The following DYNC1H1 variants were observed in gnomAD, a reference collection of about 807,000 sequenced individuals.
DYNC1H1 encodes dynein cytoplasmic 1 heavy chain 1.
A neutral mutation model predicts 527.1 loss-of-function variants in DYNC1H1; 51 were observed. The observed-to-expected ratio is 0.10, with a 90% CI of 0.08 to 0.12. DYNC1H1 has a LOEUF of 0.12. Ranked by LOEUF, DYNC1H1 falls within the 10% of genes least tolerant of loss-of-function variation. DYNC1H1 has a pLI of 1.00. For synonymous variants in DYNC1H1, 2,189 were observed against 2,278.8 expected, an observed-to-expected ratio of 0.96 and a Z score of 1.12; for missense variants, 2,771 against 5,971.8, an observed-to-expected ratio of 0.46 and a Z score of 17.66.
At chr14:102,026,813 C>T in intron 44 of DYNC1H1, 106 bp downstream of exon 44, 1 of 1,494,788 alleles carries the variant, frequency 6.7e-7, no homozygotes, top group Non-Finnish European at 9.1e-7. Flanking sequence ...ACCTCCACCT[C>T]AGCCTTCTCC....
chr14:102,026,805 C>A, intron 44 of DYNC1H1, 98 bp downstream of exon 44: 1 of 1,530,156 alleles, frequency 6.5e-7, no homozygotes, highest in Non-Finnish European at 8.9e-7. Context: ...GTCCTACCAC[C>A]TCCACCTCAG....
chr14:101,995,286 G>A lies in DYNC1H1; in HGVS notation c.3550G>A (p.Glu1184Lys). ...QSLKRKIKQF[E>K]KQVELYRNGQ... ...TTTGAAACGGAAGATCAAGCAGTTT[G>A]AGAAGCAAGTTGAGGTGAGCTCTGT... Residue 1184 changes from glutamate to lysine, a missense_variant, in exon 15 of 78, where the codon GAG becomes AAG. By Grantham distance (56) the Glu-to-Lys change is moderately conservative. Transcript: ENST00000360184. 1 of 1,614,200 alleles carries A rather than the reference G, an allele frequency of 6.2e-7. No homozygotes were observed. Among genetic ancestry groups the A allele is most frequent in the Non-Finnish European group, 8.5e-7 (1 of 1,180,038 alleles).
Position 102,049,936 on chromosome 14 carries a change from T to A in DYNC1H1, c.13684+54T>A. ...CTCTTTGCAGGTGACCTCGGTGGCC[T>A]GAGACCATTGTTCCCAGATACATGC... is the stretch of plus-strand genomic sequence containing the variant. On this transcript the variant is annotated intron_variant, in intron 76 of 77. Transcript: ENST00000360184. This position sits in a 1 kb window ranked among gnomAD's most constrained non-coding sequence, Gnocchi z 5.5. The A allele has an allele frequency of 6.4e-7, 1 of 1,553,076 alleles. No individual in the cohort carries two copies.
chr14:102,007,146 C>A, intron 28 of DYNC1H1, 38 bp downstream of exon 28: 2 of 1,598,930 alleles, frequency 1.3e-6, no homozygotes, highest in Non-Finnish European at 1.7e-6. Flanking sequence ...AATGTAATGC[C>A]CTGCAGGGAT....
chr14:102,047,637 G>GTA (rs1311727690), intron 72 of DYNC1H1, 180 bp from the exon 73 acceptor site: 2 of 394,240 alleles, frequency 5.1e-6, no homozygotes, highest in African/African-American at 4.5e-5. Context: ...GTGTGTGTGT[G>GTA]TGTGTATATA....
At position 101,983,173 on chromosome 14, in the gene DYNC1H1, T is replaced by C; in HGVS notation, c.1116T>C (p.Tyr372=). The C allele has an allele frequency of 6.2e-7, 1 of 1,614,128 alleles. No homozygotes were observed. The change falls in exon 6 of 78, where the codon TAT becomes TAC. Residue 372 remains tyrosine (Y), a synonymous_variant. Transcript: ENST00000360184. This position sits in a 1 kb window ranked among gnomAD's most constrained non-coding sequence, Gnocchi z 5.3. ...THLRKIRNTK[Y]PIQRALRLVE... is the part of the protein sequence containing the mutation. ...TGAGAAAGATCCGAAACACAAAATA[T>C]CCTATTCAGAGGGCACTGCGTTTGG... is the stretch of plus-strand genomic sequence containing the variant.
Position 102,016,372 on chromosome 14 carries a change from C to G in DYNC1H1, c.7497C>G (p.Leu2499=), listed in dbSNP as rs767105664. 18 of 1,614,210 alleles carry G rather than the reference C, an allele frequency of 1.1e-5. No individual in the cohort carries two copies. The South Asian group carries it at 1.8e-4, about 16-fold the overall frequency. Reference sequence around the variant, plus strand: ...AGCGATATCTGGTTTATGCCATACTCTGGTCCCTGTCTGGAGACAGCCGGC... The same window carrying G: ...AGCGATATCTGGTTTATGCCATACTGTGGTCCCTGTCTGGAGACAGCCGGC... The part of the protein sequence containing the change: ...YIQRYLVYAI[L]WSLSGDSRLK... Residue 2499 remains leucine, a synonymous_variant, in exon 37 of 78, where the codon CTC becomes CTG. Coordinates refer to ENST00000360184, the MANE Select transcript of DYNC1H1 (RefSeq NM_001376.5). This position sits in a 1 kb window ranked among gnomAD's most constrained non-coding sequence, Gnocchi z 7.3.
rs548271329 is a variant in DYNC1H1 at position 102,000,282 on chromosome 14, G to A, written c.3961-4G>A. The A allele has an allele frequency of 5.6e-6, 9 of 1,614,096 alleles. No individual in the cohort carries two copies. Among genetic ancestry groups the A allele is most frequent in the Admixed American group, 1.7e-5 (1 of 60,024 alleles). On this transcript the variant is annotated splice_region_variant and splice_polypyrimidine_tract_variant and intron_variant, in intron 17 of 77. Coordinates refer to ENST00000360184, the MANE Select transcript of DYNC1H1 (RefSeq NM_001376.5). ...GTCAACTGCTTTACTATTCTCAATCGCAGGTGGCCTTAGAAGAATTACAGG... is the reference window on the plus strand; with the variant it reads ...GTCAACTGCTTTACTATTCTCAATCACAGGTGGCCTTAGAAGAATTACAGG...
Position 102,050,191 on chromosome 14 carries a change from C to G in DYNC1H1, c.13805C>G (p.Ala4602Gly). 6.2e-7 allele frequency: 1 copy of G among 1,614,074 alleles called. No homozygotes were observed. Among genetic ancestry groups the G allele is most frequent in the Non-Finnish European group, 8.5e-7 (1 of 1,180,026 alleles). ...AAGCAGACAAACACCGAGAAGAAGG[C>G]CAGTGTGGTAAGGAGGCACTGCCTT... ...WVKQTNTEKK[A>G]SVVTLPVYLN... The change falls in exon 77 of 78, where the codon GCC becomes GGC. Residue 4602 changes from alanine (A) to glycine (G), a missense_variant. Transcript: ENST00000360184.
In DYNC1H1 at chr14:101,998,879, C is replaced by CTTTTTTTTTTTTT. The variant is rs888317854; in HGVS notation, c.3805-1102_3805-1090dup. ...TAATGTGTTAGAGTTAAAACTTTTTCTTTTTTTTTTTTTTTTTTTTGAGAC... is the reference window on the plus strand; with the variant it reads ...TAATGTGTTAGAGTTAAAACTTTTTCTTTTTTTTTTTTTTTTTTTTTTTTTTTTTTTTTGAGAC... On this transcript the variant is annotated intron_variant, in intron 16 of 77. Coordinates refer to ENST00000360184, the MANE Select transcript of DYNC1H1 (RefSeq NM_001376.5). Among the ~76,000 whole-genome samples, 100 of 115,208 alleles carry CTTTTTTTTTTTTT rather than the reference C, an allele frequency of 8.7e-4. 3 individuals carry two copies. The highest frequency in any genetic ancestry group is 2.5e-3 in the East Asian group (10 of 3,952). The allele number at this position is 115,208 out of a possible 152,430, so 75.6% of individuals were successfully genotyped here. A position where few individuals can be genotyped will look rare whatever the true frequency, so the allele number is the denominator to read the frequency against.
rs1459015177 is a variant in DYNC1H1, at chr14:102,011,436, G to T, written c.6619-439G>T. 5 of 342,402 alleles carry T rather than the reference G, an allele frequency of 1.5e-5. No homozygotes were observed. The East Asian group carries it at 3.9e-4, about 27-fold the overall frequency. 21.2% of individuals were successfully genotyped at this position (342,402 alleles called of 1,614,324 possible). Reference sequence around the variant, plus strand: ...TAGCTCATCCATTGGGTCTCTTGTTGTCCTCGGCGGGATCTGATGTGTCCT... The same window carrying T: ...TAGCTCATCCATTGGGTCTCTTGTTTTCCTCGGCGGGATCTGATGTGTCCT... On this transcript the variant is annotated intron_variant, in intron 32 of 77. Coordinates refer to ENST00000360184, the MANE Select transcript of DYNC1H1 (RefSeq NM_001376.5). This position sits in a 1 kb window ranked among gnomAD's most constrained non-coding sequence, Gnocchi z 5.3.
chr14:102,006,907 G>A (rs2048203554), intron 27 of DYNC1H1, 101 bp from the exon 28 acceptor site: 1 of 1,357,024 alleles, frequency 7.4e-7, no homozygotes, highest in Admixed American at 1.9e-5. Context: ...GCCACTACTT[G>A]GATTTTTTAA....
chr14:101,994,596 A>T, intron 12 of DYNC1H1, 77 bp from the exon 13 acceptor site: 1 of 1,562,946 alleles, frequency 6.4e-7, no homozygotes, highest in Non-Finnish European at 8.8e-7. Flanking sequence ...TTCTTAATGG[A>T]ATGTGAACAT....
intron 10 of DYNC1H1, among the ~76,000 whole-genome samples, chr14:101,989,443 C>T (rs891873040): frequency 2.6e-5 from 4 of 152,216 alleles, no homozygotes; most frequent in African/African-American, 4.8e-5. Context: ...TTGTGTGGAG[C>T]TTAGCAAGCT....
In DYNC1H1 at chr14:102,040,645, C is replaced by G. The variant is rs201174299; in HGVS notation, c.11913C>G (p.Pro3971=). 62 of 1,614,232 alleles carry G rather than the reference C, an allele frequency of 3.8e-5. No homozygotes were observed. The highest frequency in any genetic ancestry group is 1.7e-5 in the Admixed American group (1 of 60,024). ...GCAGCTCCCCGGAGCAGACTGTGCC[C>G]TACCTCTGGAGTGAAGAAACACCTG... ...LDSSSPEQTV[P]YLWSEETPAT... Residue 3971 remains proline (P), a synonymous_variant, in exon 64 of 78, where the codon CCC becomes CCG. Transcript: ENST00000360184.
Position 102,033,762 on chromosome 14 carries a change from C to T in DYNC1H1, c.10414-214C>T, listed in dbSNP as rs1289611723. On this transcript the variant is annotated intron_variant, in intron 54 of 77. Coordinates refer to ENST00000360184, the MANE Select transcript of DYNC1H1 (RefSeq NM_001376.5). This position sits in a 1 kb window ranked among gnomAD's most constrained non-coding sequence, Gnocchi z 5.6. ...GCTCTGCTGCCTGAGGGCCTCGCTC[C>T]GTACCCAGCTTCTGCCCCGCTGAGA... 6.2e-5 allele frequency: 43 copies of T among 690,946 alleles called. No individual in the cohort carries two copies. In the East Asian group the frequency reaches 9.3e-4, roughly 15 times the overall value. 42.8% of individuals were successfully genotyped at this position (690,946 alleles called of 1,614,324 possible). A position where few individuals can be genotyped will look rare whatever the true frequency, so the allele number is the denominator to read the frequency against.
At position 102,041,941 on chromosome 14, in the gene DYNC1H1, G is replaced by T; in HGVS notation, c.12103-72G>T. On this transcript the variant is annotated intron_variant, in intron 65 of 77. Transcript: ENST00000360184. This position sits in a 1 kb window ranked among gnomAD's most constrained non-coding sequence, Gnocchi z 4.5. Reference sequence around the variant, plus strand: ...ACATCTTCTCAGGCCCCTCACTCGGGGCTCTCCTTTCCCTTGACAGGTACA... The same window carrying T: ...ACATCTTCTCAGGCCCCTCACTCGGTGCTCTCCTTTCCCTTGACAGGTACA... 1.3e-6 allele frequency: 2 copies of T among 1,562,600 alleles called. No individual in the cohort carries two copies. The highest frequency in any genetic ancestry group is 2.3e-5 in the East Asian group (1 of 44,318).
intron 7 of DYNC1H1, among the ~76,000 whole-genome samples, chr14:101,984,450 A>AT (rs34383305): frequency 0.13 from 9,364 of 69,800 alleles, 1,745 homozygotes; most frequent in African/African-American, 0.19. Context: ...TATATATTAT[A>AT]TTTTTTTTTT....
chr14:101,968,674 A>G (rs1287043841), intron 1 of DYNC1H1, among the ~76,000 whole-genome samples: 1 of 151,524 alleles, frequency 6.6e-6, no homozygotes, highest in Non-Finnish European at 1.5e-5. Context: ...CGATCCACCC[A>G]TCTCAGCCTC....
Sources: allele counts gnomAD v4.1 joint callset (sites outside exome capture counted in the v4.1 genomes callset), GRCh38; gene constraint gnomAD v4.1.1; non-coding constraint Gnocchi (gnomAD v3.1); transcripts MANE v1.5; gene names NCBI Gene and HGNC (gene_info 2026-07-23, HGNC 2026-07-21).